Variants in AFG2A observed in about 807,000 individuals in gnomAD.
The protein encoded by AFG2A is ATPase family gene 2 protein homolog A.
chr4:123,029,475 G>A, the AFG2A span, among the ~76,000 whole-genome samples: 1 of 152,178 alleles, frequency 6.6e-6, no homozygotes, highest in African/African-American at 2.4e-5. Context: ...GATTTTTATA[G>A]AATGATACTT....
chr4:123,075,002 G>A, the AFG2A span, among the ~76,000 whole-genome samples: 2 of 152,144 alleles, frequency 1.3e-5, no homozygotes, highest in Non-Finnish European at 2.9e-5. Context: ...GGAGTGCAGT[G>A]GCGACATCTC....
At chr4:123,023,342 A>G in the AFG2A span, among the ~76,000 whole-genome samples, 3 of 152,144 alleles carry the variant, frequency 2.0e-5, no homozygotes, top group East Asian at 5.8e-4. Flanking sequence ...CAAACTGCAT[A>G]TGTACTCCTT....
chr4:123,268,733 C>T, the AFG2A span, among the ~76,000 whole-genome samples: 2 of 152,138 alleles, frequency 1.3e-5, no homozygotes, highest in Admixed American at 1.3e-4. Context: ...TGTTTATCTT[C>T]ATGCATGTCT....
At chr4:123,103,168 A>T in the AFG2A span, among the ~76,000 whole-genome samples, 1 of 152,078 alleles carries the variant, frequency 6.6e-6, no homozygotes, top group East Asian at 1.9e-4. Context: ...AGCTTAAAGA[A>T]ATGAATGAAA....
the AFG2A span, among the ~76,000 whole-genome samples, chr4:123,202,549 G>A: frequency 6.6e-6 from 1 of 151,950 alleles, no homozygotes; most frequent in African/African-American, 2.4e-5. Flanking sequence ...ACCCCCAATG[G>A]TGATATCTTA....
the AFG2A span, among the ~76,000 whole-genome samples, chr4:123,126,178 C>T: frequency 6.6e-6 from 1 of 152,188 alleles, no homozygotes; most frequent in Non-Finnish European, 1.5e-5. Context: ...ATGTGATATG[C>T]ACGTACTATT....
At chr4:123,070,350 A>AAG in the AFG2A span, among the ~76,000 whole-genome samples, 1 of 152,024 alleles carries the variant, frequency 6.6e-6, no homozygotes. Flanking sequence ...TAGATCCTTT[A>AAG]TATGTTTTAT....
the AFG2A span, among the ~76,000 whole-genome samples, chr4:123,271,806 C>T: frequency 3.3e-5 from 5 of 151,964 alleles, no homozygotes; most frequent in African/African-American, 1.2e-4. Flanking sequence ...TTGTAACTTA[C>T]ACTGGAAAGC....
the AFG2A span, among the ~76,000 whole-genome samples, chr4:123,082,063 C>T: frequency 6.6e-6 from 1 of 152,284 alleles, no homozygotes; most frequent in East Asian, 1.9e-4. Flanking sequence ...TAGACACTTT[C>T]TCCCAGTCTG....
chr4:122,962,323 T>C, the AFG2A span, among the ~76,000 whole-genome samples: 5 of 152,032 alleles, frequency 3.3e-5, no homozygotes, highest in African/African-American at 1.2e-4. Flanking sequence ...AGCAGTAATT[T>C]TGCAGCATAT....
chr4:123,310,362 T>G, the AFG2A span, among the ~76,000 whole-genome samples: 47 of 152,334 alleles, frequency 3.1e-4, 1 homozygote, highest in East Asian at 5.8e-3. Context: ...TTAAAAAAAT[T>G]TCTCCATTCT....
At chr4:122,986,452 A>G in the AFG2A span, among the ~76,000 whole-genome samples, 4 of 152,198 alleles carry the variant, frequency 2.6e-5, no homozygotes, top group Admixed American at 2.6e-4. Flanking sequence ...ACATTTGGGA[A>G]CTCCAATGTT....
chr4:123,105,896 G>T, the AFG2A span, among the ~76,000 whole-genome samples: 1 of 152,158 alleles, frequency 6.6e-6, no homozygotes, highest in Non-Finnish European at 1.5e-5. Context: ...GGTAACTGAG[G>T]ATTTAGTATA....
At chr4:123,014,541 A>T in the AFG2A span, among the ~76,000 whole-genome samples, 1 of 152,150 alleles carries the variant, frequency 6.6e-6, no homozygotes, top group Non-Finnish European at 1.5e-5. Context: ...TATTATATTT[A>T]TAAGGTTTGA....
the AFG2A span, among the ~76,000 whole-genome samples, chr4:123,270,635 G>GA: frequency 2.0e-5 from 3 of 151,632 alleles, no homozygotes; most frequent in African/African-American, 4.8e-5. Context: ...ACTTAAGCAG[G>GA]AAAAAAAATA....
At chr4:122,954,355 T>G in the AFG2A span, among the ~76,000 whole-genome samples, 1 of 152,206 alleles carries the variant, frequency 6.6e-6, no homozygotes, top group African/African-American at 2.4e-5. Context: ...CATAGTGGTG[T>G]AGTGCTGCAT....
At chr4:122,945,956 C>T in the AFG2A span, among the ~76,000 whole-genome samples, 4 of 152,304 alleles carry the variant, frequency 2.6e-5, no homozygotes, top group East Asian at 7.7e-4. Flanking sequence ...AACTGGTTCT[C>T]AGTCTTGGAA....
the AFG2A span, among the ~76,000 whole-genome samples, chr4:122,939,389 G>A: frequency 6.6e-6 from 1 of 152,000 alleles, no homozygotes; most frequent in Admixed American, 6.6e-5. Flanking sequence ...GCCGGGATAT[G>A]TTCTTTTATT....
At chr4:123,109,051 A>G in the AFG2A span, among the ~76,000 whole-genome samples, 1 of 152,166 alleles carries the variant, frequency 6.6e-6, no homozygotes, top group African/African-American at 2.4e-5. Context: ...TGATGATTGC[A>G]TTATATTACT....
Sources: allele counts gnomAD v4.1 joint callset (sites outside exome capture counted in the v4.1 genomes callset), GRCh38; gene constraint gnomAD v4.1.1; transcripts MANE v1.5; gene names NCBI Gene and HGNC (gene_info 2026-07-23, HGNC 2026-07-21).